The following TRAPPC9 variants were observed in gnomAD, a reference collection of about 807,000 sequenced individuals.
TRAPPC9 encodes the protein IKK2 binding protein.
Under a neutral mutation model 124.0 loss-of-function variants are expected in TRAPPC9, and 83 were observed. The ratio of observed to expected loss-of-function variants is 0.67; its 90% CI spans 0.56 to 0.80. The LOEUF (loss-of-function observed/expected upper bound fraction) is 0.80, where lower values mean the gene tolerates loss of function less well. TRAPPC9 is among the 30% of genes least tolerant of loss of function. The pLI, the probability that TRAPPC9 is intolerant of heterozygous loss-of-function variation, is 0.00. For synonymous variants in TRAPPC9, 638 were observed against 617.5 expected, an observed-to-expected ratio of 1.03 and a Z score of -0.49; for missense variants, 1,302 against 1,508.3, an observed-to-expected ratio of 0.86 and a Z score of 2.27.
At chr8:139,736,492 A>T (rs1306140202) in intron 21 of TRAPPC9, among the ~76,000 whole-genome samples, 2 of 152,120 alleles carry the variant, frequency 1.3e-5, no homozygotes, top group Non-Finnish European at 2.9e-5. Flanking sequence ...CAGGCACCAA[A>T]TCCCCTGACG....
intron 21 of TRAPPC9, among the ~76,000 whole-genome samples, chr8:139,833,771 CG>C (rs1826145446): frequency 6.6e-6 from 1 of 152,176 alleles, no homozygotes; most frequent in Non-Finnish European, 1.5e-5. Flanking sequence ...GAGGTGTGCC[CG>C]TCATTGGACT....
intron 21 of TRAPPC9, among the ~76,000 whole-genome samples, chr8:139,813,228 G>A (rs1824566496): frequency 6.6e-6 from 1 of 152,248 alleles, no homozygotes; most frequent in African/African-American, 2.4e-5. Flanking sequence ...GTGTGACCTA[G>A]AGTAAGTCAC....
chr8:140,456,165 T>C (rs550300025), intron 1 of TRAPPC9, among the ~76,000 whole-genome samples: 1 of 152,258 alleles, frequency 6.6e-6, no homozygotes, highest in South Asian at 2.1e-4. Context: ...ATCCCAGTAC[T>C]TTGGGAGGCC....
intron 21 of TRAPPC9, among the ~76,000 whole-genome samples, chr8:139,785,329 C>T (rs1822147051): frequency 1.3e-5 from 2 of 152,146 alleles, no homozygotes; most frequent in South Asian, 4.1e-4. Flanking sequence ...CCTGAAAGAA[C>T]ATGTGGGAGA....
At chr8:140,458,570 T>TCCC, upstream of TRAPPC9, 3 of 1,566,508 alleles carry the variant, frequency 1.9e-6, no homozygotes, top group Non-Finnish European at 2.6e-6. Context: ...ACCATGGCAC[T>TCCC]CCCGACTTTG....
At chr8:140,070,803 C>T (rs1433528737) in intron 17 of TRAPPC9, among the ~76,000 whole-genome samples, 1 of 152,220 alleles carries the variant, frequency 6.6e-6, no homozygotes, top group Non-Finnish European at 1.5e-5. Flanking sequence ...GCCCAGGAAA[C>T]ACTTCCAGGA....
intron 17 of TRAPPC9, among the ~76,000 whole-genome samples, chr8:140,129,516 C>G (rs1024948126): frequency 6.6e-6 from 1 of 152,070 alleles, no homozygotes; most frequent in Non-Finnish European, 1.5e-5. Flanking sequence ...TGTCTACACA[C>G]GGGGTGAGCC....
intron 17 of TRAPPC9, among the ~76,000 whole-genome samples, chr8:140,048,142 G>A (rs1051224841): frequency 6.6e-6 from 1 of 152,264 alleles, no homozygotes; most frequent in Non-Finnish European, 1.5e-5. Context: ...GTCCATGCCA[G>A]CTCTGCACTA....
chr8:140,258,188 C>T (rs941164449), intron 15 of TRAPPC9, among the ~76,000 whole-genome samples: 3 of 152,212 alleles, frequency 2.0e-5, no homozygotes, highest in African/African-American at 7.2e-5. Flanking sequence ...GAGAAACTCC[C>T]CGGAGAGACC....
rs148513414 is a variant in TRAPPC9 at position 140,066,693 on chromosome 8, C to T, written c.2557-42614G>A. On this transcript the variant is annotated intron_variant, in intron 17 of 22. Coordinates refer to ENST00000438773, the MANE Select transcript of TRAPPC9 (RefSeq NM_001160372.4). The stretch of plus-strand genomic sequence containing the variant: ...CCAGCAGGGAGGTACTTAACACCTA[C>T]TCGGTGCAAAGCCTATATAAGTCCA... 3.3e-3 allele frequency among the ~76,000 whole-genome samples: 500 copies of T among 152,328 alleles called. 1 individual carries two copies. The highest frequency in any genetic ancestry group is 0.012 in the African/African-American group (492 of 41,564).
At chr8:140,361,487 A>G (rs1335748003) in intron 8 of TRAPPC9, among the ~76,000 whole-genome samples, 1 of 152,232 alleles carries the variant, frequency 6.6e-6, no homozygotes, top group East Asian at 1.9e-4. Context: ...GTACAAGTTA[A>G]AGTTATAAGG....
intron 7 of TRAPPC9, among the ~76,000 whole-genome samples, chr8:140,390,051 C>T (rs1465234796): frequency 1.3e-5 from 2 of 152,122 alleles, no homozygotes; most frequent in Non-Finnish European, 2.9e-5. Flanking sequence ...TGCCTGTAAT[C>T]CCAGCACTTT....
At chr8:140,045,651 A>ACC (rs59038940) in intron 17 of TRAPPC9, among the ~76,000 whole-genome samples, 1 of 38,990 alleles carries the variant, frequency 2.6e-5, no homozygotes, top group South Asian at 9.7e-4. Flanking sequence ...AAAAAAAAAA[A>ACC]AAAAAAAACC....
At chr8:140,309,836 G>A (rs1417675701) in intron 10 of TRAPPC9, among the ~76,000 whole-genome samples, 5 of 152,174 alleles carry the variant, frequency 3.3e-5, no homozygotes, top group African/African-American at 7.2e-5. Context: ...TCCAAACAGC[G>A]GTGTTGCAAG....
At chr8:139,737,818 G>C (rs145275278) in intron 21 of TRAPPC9, among the ~76,000 whole-genome samples, 81 of 152,304 alleles carry the variant, frequency 5.3e-4, no homozygotes, top group African/African-American at 1.9e-3. Flanking sequence ...GTGGGGTTTT[G>C]TTAGGGGCCG....
intron 21 of TRAPPC9, among the ~76,000 whole-genome samples, chr8:139,885,576 T>A (rs1479194660): frequency 6.6e-6 from 1 of 152,130 alleles, no homozygotes; most frequent in Non-Finnish European, 1.5e-5. Flanking sequence ...CTACACCAAG[T>A]GCAAGTCAAG....
chr8:140,458,526 CCT>C (rs1402095850), upstream of TRAPPC9: 7 of 1,583,576 alleles, frequency 4.4e-6, no homozygotes, highest in African/African-American at 6.8e-5. Context: ...CCGGCTTCCC[CCT>C]GTGTGGCGCG....
At chr8:139,851,862 G>A (rs1827488707) in intron 21 of TRAPPC9, among the ~76,000 whole-genome samples, 1 of 152,184 alleles carries the variant, frequency 6.6e-6, no homozygotes, top group Non-Finnish European at 1.5e-5. Flanking sequence ...TGGGCTCTGT[G>A]AGGGGCAGGT....
intron 12 of TRAPPC9, among the ~76,000 whole-genome samples, chr8:140,290,232 G>A (rs572657962): frequency 7.9e-5 from 12 of 152,276 alleles, no homozygotes; most frequent in East Asian, 1.9e-4. Context: ...TGAAAGGCCC[G>A]CCTCTTACCC....
Sources: allele counts gnomAD v4.1 joint callset (sites outside exome capture counted in the v4.1 genomes callset), GRCh38; gene constraint gnomAD v4.1.1; transcripts MANE v1.5; gene names NCBI Gene and HGNC (gene_info 2026-07-23, HGNC 2026-07-21).